Variants in SHROOM3 observed in about 807,000 individuals in gnomAD.
The protein encoded by SHROOM3 is protein Shroom3.
SHROOM3 carries 47 observed loss-of-function variants against 138.6 expected under a neutral mutation model. That is an observed-to-expected ratio of 0.34 (90% confidence interval 0.27 to 0.43). SHROOM3 has a LOEUF of 0.43. Ranked by LOEUF, SHROOM3 falls within the 20% of genes least tolerant of loss-of-function variation. SHROOM3 has a pLI of 1.00. For missense variants in SHROOM3, 2,491 were observed against 2,596.5 expected, an observed-to-expected ratio of 0.96 and a Z score of 0.88; for synonymous variants, 1,062 against 1,063.3, an observed-to-expected ratio of 1.00 and a Z score of 0.02.
At chr4:76,527,887 T>C (rs758958673) in intron 1 of SHROOM3, among the ~76,000 whole-genome samples, 94 of 152,294 alleles carry the variant, frequency 6.2e-4, no homozygotes, top group Non-Finnish European at 1.1e-3. Context: ...GGGCTTGGCT[T>C]TCCTGAACCA....
chr4:76,722,119 G>T (rs1720571302), intron 3 of SHROOM3, among the ~76,000 whole-genome samples: 1 of 152,070 alleles, frequency 6.6e-6, no homozygotes, highest in Non-Finnish European at 1.5e-5. Flanking sequence ...GGGTGACAGA[G>T]TGAGACCCTG....
At chr4:76,565,824 C>T (rs777915780) in intron 2 of SHROOM3, among the ~76,000 whole-genome samples, 6 of 151,982 alleles carry the variant, frequency 3.9e-5, no homozygotes, top group African/African-American at 1.5e-4. Flanking sequence ...ACTTTAAAAG[C>T]GCCTCAAGAA....
At chr4:76,776,218 C>A (rs344116) in intron 10 of SHROOM3, among the ~76,000 whole-genome samples, 150,738 of 152,332 alleles carry the variant, frequency 0.99, 74,598 homozygotes, top group East Asian at 1. Context: ...CCTGATAGAA[C>A]TGTTCAGCAG....
intron 1 of SHROOM3, among the ~76,000 whole-genome samples, chr4:76,461,233 G>A (rs895315974): frequency 9.9e-5 from 15 of 151,988 alleles, no homozygotes; most frequent in African/African-American, 3.1e-4. Flanking sequence ...TTAGCCAAGG[G>A]ACCAGGATTG....
At chr4:76,711,311 A>G (rs1326261114) in intron 3 of SHROOM3, among the ~76,000 whole-genome samples, 1 of 152,238 alleles carries the variant, frequency 6.6e-6, no homozygotes, top group Non-Finnish European at 1.5e-5. Flanking sequence ...AAGGACTGAA[A>G]GAGCCGATAC....
chr4:76,435,755 T>G lies in SHROOM3; in HGVS notation c.-298T>G, dbSNP rs186518688. The G allele has an allele frequency of 3.4e-6, 1 of 290,946 alleles. No homozygotes were observed. The highest frequency in any genetic ancestry group is 6.5e-5 in the East Asian group (1 of 15,412). 18.0% of individuals were successfully genotyped at this position (290,946 alleles called of 1,614,324 possible). Reference sequence around the variant, plus strand: ...AGAAAAGCAATCTTCAGAGCGCCACTGAAGGAAGTTTTGACGAACGGAGTA... The same window carrying G: ...AGAAAAGCAATCTTCAGAGCGCCACGGAAGGAAGTTTTGACGAACGGAGTA... On this transcript the variant is annotated 5_prime_UTR_variant, in exon 1 of 11. Coordinates refer to ENST00000296043, the MANE Select transcript of SHROOM3 (RefSeq NM_020859.4).
intron 3 of SHROOM3, among the ~76,000 whole-genome samples, chr4:76,722,016 C>T (rs1720568163): frequency 1.3e-5 from 2 of 152,030 alleles, no homozygotes; most frequent in Non-Finnish European, 2.9e-5. Context: ...GTGCTATAGT[C>T]CTAGCTACTT....
intron 1 of SHROOM3, among the ~76,000 whole-genome samples, chr4:76,490,981 G>A (rs1471566680): frequency 1.3e-5 from 2 of 152,182 alleles, no homozygotes; most frequent in Non-Finnish European, 2.9e-5. Context: ...ATCTTCTGGG[G>A]TTAACGGGGG....
chr4:76,649,107 C>A (rs1463362316), intron 2 of SHROOM3, among the ~76,000 whole-genome samples: 2 of 152,130 alleles, frequency 1.3e-5, no homozygotes, highest in Non-Finnish European at 2.9e-5. Flanking sequence ...ATGCCACCGG[C>A]TAGCTAGTTA....
In SHROOM3 at chr4:76,740,945, C is replaced by T. The variant is rs1035605708; in HGVS notation, c.2772C>T (p.Tyr924=). 5 of 1,497,904 alleles carry T rather than the reference C, an allele frequency of 3.3e-6. No individual in the cohort carries two copies. Among genetic ancestry groups the T allele is most frequent in the East Asian group, 4.8e-5 (2 of 41,892 alleles). 92.8% of individuals were successfully genotyped at this position (1,497,904 alleles called of 1,614,324 possible). ...TGGATGCCCCCTTCAGCCGCGCCTA[C>T]CGGAACAGCATCAAGGACGCACAGT... ...PLLDAPFSRA[Y]RNSIKDAQSR... Residue 924 remains tyrosine (Y), a synonymous_variant, in exon 5 of 11, where the codon TAC becomes TAT. Coordinates refer to ENST00000296043, the MANE Select transcript of SHROOM3 (RefSeq NM_020859.4). The surrounding 1 kb of genome is among the most constrained non-coding windows in gnomAD (Gnocchi z 4.0).
intron 2 of SHROOM3, among the ~76,000 whole-genome samples, chr4:76,615,228 A>G (rs554200657): frequency 6.6e-6 from 1 of 152,306 alleles, no homozygotes; most frequent in Non-Finnish European, 1.5e-5. Context: ...TGCTTACTAC[A>G]TATTGTCAGT....
chr4:76,753,651 G>A (rs1721704767), intron 6 of SHROOM3, among the ~76,000 whole-genome samples: 1 of 152,104 alleles, frequency 6.6e-6, no homozygotes, highest in Non-Finnish European at 1.5e-5. Flanking sequence ...GTTTTTCCTC[G>A]GAGTCTAGCG....
At chr4:76,759,402 G>C in intron 8 of SHROOM3, 143 bp from the exon 9 acceptor site, 1 of 1,132,376 alleles carries the variant, frequency 8.8e-7, no homozygotes. Context: ...TCACTCATTA[G>C]TTAACAGTTA....
intron 2 of SHROOM3, among the ~76,000 whole-genome samples, chr4:76,621,900 G>A (rs1206385209): frequency 2.0e-5 from 3 of 148,848 alleles, no homozygotes; most frequent in Admixed American, 6.8e-5. Context: ...CACGATCTCC[G>A]GCTCACTGCA....
chr4:76,741,380 C>T lies in SHROOM3; in HGVS notation c.3207C>T (p.Ser1069=), dbSNP rs1204541544. ...RLFERDGKAC[S]TLSLSGPELK... ...TCGAGCGCGATGGCAAGGCCTGCTC[C>T]ACGCTCAGCCTGTCGGGGCCCGAGC... Residue 1069 remains serine, a synonymous_variant, in exon 5 of 11, where the codon TCC becomes TCT. Transcript: ENST00000296043. This position sits in a 1 kb window ranked among gnomAD's most constrained non-coding sequence, Gnocchi z 6.2. 2.5e-6 allele frequency: 4 copies of T among 1,603,532 alleles called. No individual in the cohort carries two copies. Among genetic ancestry groups the T allele is most frequent in the South Asian group, 2.2e-5 (2 of 89,488 alleles).
At chr4:76,606,116 C>T (rs770065332) in intron 2 of SHROOM3, among the ~76,000 whole-genome samples, 7 of 146,858 alleles carry the variant, frequency 4.8e-5, no homozygotes, top group Non-Finnish European at 1.0e-4. Context: ...CGGATTCCAG[C>T]GATTCTCCTG....
chr4:76,700,967 T>C (rs1419038175), intron 2 of SHROOM3, among the ~76,000 whole-genome samples: 2 of 152,012 alleles, frequency 1.3e-5, no homozygotes, highest in African/African-American at 4.8e-5. Context: ...GTATTTTTAA[T>C]AGAGATAGTG....
At chr4:76,521,733 A>G (rs752312427) in intron 1 of SHROOM3, among the ~76,000 whole-genome samples, 2 of 152,236 alleles carry the variant, frequency 1.3e-5, no homozygotes, top group Non-Finnish European at 2.9e-5. Context: ...TGTGGGTTTC[A>G]GTATAGATCA....
At chr4:76,571,367 C>G (rs1236093657) in intron 2 of SHROOM3, among the ~76,000 whole-genome samples, 2 of 152,214 alleles carry the variant, frequency 1.3e-5, no homozygotes, top group African/African-American at 4.8e-5. Context: ...TCTTCAGCCT[C>G]TGGGAGAAGA....
Sources: allele counts gnomAD v4.1 joint callset (sites outside exome capture counted in the v4.1 genomes callset), GRCh38; gene constraint gnomAD v4.1.1; non-coding constraint Gnocchi (gnomAD v3.1); transcripts MANE v1.5; gene names NCBI Gene and HGNC (gene_info 2026-07-23, HGNC 2026-07-21).